The following PAG1 variants were observed in gnomAD, a reference collection of about 807,000 sequenced individuals.
PAG1 encodes the protein phosphoprotein associated with glycosphingolipid-enriched microdomains 1.
PAG1 carries 23 observed loss-of-function variants against 31.7 expected under a neutral mutation model. The ratio of observed to expected loss-of-function variants is 0.73; its 90% CI spans 0.52 to 1.03. The LOEUF (loss-of-function observed/expected upper bound fraction) is 1.03, where lower values mean the gene tolerates loss of function less well. Among genes scored for constraint, PAG1 ranks in the 50% least tolerant of loss-of-function variants. The pLI is 0.00. For synonymous variants in PAG1, 214 were observed against 210.3 expected (o/e 1.02, Z -0.15); for missense variants, 473 against 540.7 (o/e 0.87, Z 1.24).
Position 81,071,664 on chromosome 8 carries a change from A to C in PAG1, c.-233-1494T>G, listed in dbSNP as rs567662785. ...AAATCTGTTTAATAAACACTTACTGATAAATCTCTGTGCTATATACAAGGG... is the reference window on the plus strand; with the variant it reads ...AAATCTGTTTAATAAACACTTACTGCTAAATCTCTGTGCTATATACAAGGG... On this transcript the variant is annotated intron_variant, in intron 1 of 8. Transcript: ENST00000220597. Among the ~76,000 whole-genome samples, 28 of 152,308 alleles carry C rather than the reference A, an allele frequency of 1.8e-4. No homozygotes were observed. In the South Asian group the frequency reaches 5.8e-3, roughly 32 times the overall value.
chr8:81,088,435 TA>T (rs1304237150), intron 1 of PAG1, among the ~76,000 whole-genome samples: 2 of 152,204 alleles, frequency 1.3e-5, no homozygotes, highest in African/African-American at 2.4e-5. Flanking sequence ...TTGTTATAGT[TA>T]GGGGGTTAGG....
At chr8:81,020,793 T>G (rs1275787917) in intron 3 of PAG1, among the ~76,000 whole-genome samples, 1 of 152,234 alleles carries the variant, frequency 6.6e-6, no homozygotes, top group Non-Finnish European at 1.5e-5. Flanking sequence ...AGCTATATAT[T>G]GCATATATAA....
intron 2 of PAG1, chr8:81,039,440 A>T (rs1259209411): frequency 6.6e-6 from 1 of 152,256 alleles, no homozygotes; most frequent in Non-Finnish European, 1.5e-5. Flanking sequence ...AAGGCAAGGA[A>T]CTGCAAGCAA....
intron 2 of PAG1, among the ~76,000 whole-genome samples, chr8:81,066,189 G>A (rs781634223): frequency 4.6e-5 from 7 of 152,182 alleles, no homozygotes; most frequent in East Asian, 1.9e-4. Context: ...CCAATAACCC[G>A]TTGTGCATCA....
Position 80,993,201 on chromosome 8 carries a change from G to A in PAG1, c.27C>T (p.Gly9=), listed in dbSNP as rs148805397. ...ACAGGGTGATCTGCATCTGTCCGCT[G>A]CCCAGCAGGCTCCCCGCGGGCCCCA... MGPAGSLL[G]SGQMQITLWG... is the part of the protein sequence containing the mutation. Residue 9 remains glycine, a synonymous_variant, in exon 4 of 9, where the codon GGC becomes GGT. Transcript: ENST00000220597. 30 of 1,611,508 alleles carry A rather than the reference G, an allele frequency of 1.9e-5. No homozygotes were observed. In the African/African-American group the frequency reaches 3.5e-4, roughly 19 times the overall value.
At chr8:80,989,678 G>A (rs181227331) in intron 5 of PAG1, among the ~76,000 whole-genome samples, 5 of 152,220 alleles carry the variant, frequency 3.3e-5, no homozygotes, top group African/African-American at 4.8e-5. Context: ...TTCCTATCTC[G>A]CCCAGGGCTG....
At chr8:81,093,910 C>G (rs116465140) in intron 1 of PAG1, among the ~76,000 whole-genome samples, 1 of 152,210 alleles carries the variant, frequency 6.6e-6, no homozygotes, top group Non-Finnish European at 1.5e-5. Flanking sequence ...TTCTGCAGGA[C>G]GTAATGGCCA....
intron 1 of PAG1, among the ~76,000 whole-genome samples, chr8:81,084,955 C>T (rs1188828505): frequency 2.6e-5 from 4 of 152,112 alleles, no homozygotes; most frequent in Admixed American, 2.6e-4. Context: ...TGAAAGGTTA[C>T]TGTTAAGAAA....
chr8:80,976,539 G>A lies in PAG1; in HGVS notation c.*5C>T. ...ACAGGCTACCCAGGGTTGTCTTCTG[G>A]GTTGCTAGAGCCTGGTAATATCTCT... is the stretch of plus-strand genomic sequence containing the variant. On this transcript the variant is annotated 3_prime_UTR_variant, in exon 9 of 9. Coordinates refer to ENST00000220597, the MANE Select transcript of PAG1 (RefSeq NM_018440.4). The A allele has an allele frequency of 1.9e-6, 3 of 1,604,932 alleles. No homozygotes were observed. Among genetic ancestry groups the A allele is most frequent in the Non-Finnish European group, 2.5e-6 (3 of 1,176,556 alleles).
At position 80,984,859 on chromosome 8, in the gene PAG1, G is replaced by T; in HGVS notation, c.793C>A (p.Leu265Met). 6.2e-7 allele frequency: 1 copy of T among 1,614,114 alleles called. No homozygotes were observed. Among genetic ancestry groups the T allele is most frequent in the Non-Finnish European group, 8.5e-7 (1 of 1,179,978 alleles). Residue 265 changes from leucine (L) to methionine (M), a missense_variant, in exon 7 of 9, where the codon CTG becomes ATG. Coordinates refer to ENST00000220597, the MANE Select transcript of PAG1 (RefSeq NM_018440.4). ...EAPPPVPVKL[L>M]DENENLQEKE... ...TCCTGAAGGTTTTCATTCTCGTCCA[G>T]AAGCTTAACAGGGACAGGTGGTGGG...
chr8:81,010,621 G>T (rs1807964836), intron 3 of PAG1, among the ~76,000 whole-genome samples: 1 of 152,166 alleles, frequency 6.6e-6, no homozygotes, highest in African/African-American at 2.4e-5. Flanking sequence ...TTCTTAGAAA[G>T]AATGTACAAT....
chr8:81,105,218 A>C lies in PAG1; in HGVS notation c.-234+6373T>G, dbSNP rs183373317. Reference sequence around the variant, plus strand: ...TAAGCACTGGTTCCAACTGCTGCTCAGTGTCTCCTTCCCTCATGAATCTGA... The same window carrying C: ...TAAGCACTGGTTCCAACTGCTGCTCCGTGTCTCCTTCCCTCATGAATCTGA... On this transcript the variant is annotated intron_variant, in intron 1 of 8. Transcript: ENST00000220597. Among the ~76,000 whole-genome samples, 469 of 152,276 alleles carry C rather than the reference A, an allele frequency of 3.1e-3. 4 individuals are homozygous for C. Among genetic ancestry groups the C allele is most frequent in the African/African-American group, 0.011 (452 of 41,554 alleles).
At chr8:81,097,528 A>G (rs1363194607) in intron 1 of PAG1, among the ~76,000 whole-genome samples, 1 of 152,122 alleles carries the variant, frequency 6.6e-6, no homozygotes, top group East Asian at 1.9e-4. Context: ...GACTTGTGAG[A>G]AAGTTATTGG....
Position 80,993,155 on chromosome 8 carries a change from C to T in PAG1, c.73G>A (p.Ala25Thr), listed in dbSNP as rs377263661. The T allele has an allele frequency of 1.9e-5, 31 of 1,613,630 alleles. No individual in the cohort carries two copies. Among genetic ancestry groups the T allele is most frequent in the South Asian group, 3.3e-5 (3 of 90,964 alleles). ...ITLWGSLAAV[A>T]IFFVITFLIF... ...AGGAAGGTGATGACGAAGAAAATGGCGACAGCAGCCAGACTTCCCCACAGG... is the reference window on the plus strand; with the variant it reads ...AGGAAGGTGATGACGAAGAAAATGGTGACAGCAGCCAGACTTCCCCACAGG... Residue 25 changes from alanine (A) to threonine (T), a missense_variant, in exon 4 of 9, where the codon GCC becomes ACC. Transcript: ENST00000220597.
chr8:81,049,086 T>C (rs551781612), intron 2 of PAG1, among the ~76,000 whole-genome samples: 3 of 152,320 alleles, frequency 2.0e-5, no homozygotes, highest in Admixed American at 2.0e-4. Context: ...ATATGCTCTA[T>C]ACTGTGATCC....
Position 80,968,391 on chromosome 8 carries a change from AG to A in PAG1, c.*8152del, listed in dbSNP as rs1188424314. On this transcript the variant is annotated 3_prime_UTR_variant, in exon 9 of 9. Transcript: ENST00000220597. ...CACATAGTAAAGTCAATGCTGGAAC[AG>A]GGACCACAGCCCTGTGCTCTTGTCT... The A allele has an allele frequency of 6.6e-6, 1 of 152,258 alleles. No homozygotes were observed. Among genetic ancestry groups the A allele is most frequent in the Non-Finnish European group, 1.5e-5 (1 of 68,042 alleles). 9.4% of individuals were successfully genotyped at this position (152,258 alleles called of 1,614,324 possible). A position where few individuals can be genotyped will look rare whatever the true frequency, so the allele number is the denominator to read the frequency against.
intron 3 of PAG1, among the ~76,000 whole-genome samples, chr8:81,021,212 A>G (rs929601158): frequency 3.9e-5 from 6 of 152,210 alleles, no homozygotes; most frequent in African/African-American, 1.4e-4. Context: ...ACAACAGGAG[A>G]TATCATTATC....
intron 3 of PAG1, among the ~76,000 whole-genome samples, chr8:81,028,202 A>ACGG (rs1457897029): frequency 6.6e-6 from 1 of 152,230 alleles, no homozygotes; most frequent in Non-Finnish European, 1.5e-5. Flanking sequence ...GGCCTCAGTC[A>ACGG]CAGCCAGCTC....
intron 2 of PAG1, among the ~76,000 whole-genome samples, chr8:81,064,628 T>C (rs188486168): frequency 1.3e-5 from 2 of 152,206 alleles, no homozygotes; most frequent in Admixed American, 1.3e-4. Flanking sequence ...TCCAAACAGC[T>C]AACTCTCTCT....
Sources: gnomAD v4.1 joint callset for allele counts (sites outside exome capture counted in the v4.1 genomes callset) on GRCh38, gnomAD v4.1.1 for gene constraint, MANE v1.5 for transcripts, NCBI Gene and HGNC (gene_info 2026-07-23, HGNC 2026-07-21) for gene names.